The following RHEB variants were observed in gnomAD, a reference collection of about 807,000 sequenced individuals.
RHEB encodes GTP-binding protein Rheb.
In RHEB, 2 loss-of-function variants were observed where a neutral mutation model predicts 28.8. The observed-to-expected ratio is 0.07, with a 90% CI of 0.03 to 0.22. The LOEUF is 0.22. Ranked by LOEUF, RHEB falls within the 10% of genes least tolerant of loss-of-function variation. The pLI, the probability that RHEB is intolerant of heterozygous loss-of-function variation, is 1.00. For synonymous variants in RHEB, 69 were observed against 77.3 expected, an observed-to-expected ratio of 0.89 and a Z score of 0.56; for missense variants, 76 against 219.9, an observed-to-expected ratio of 0.35 and a Z score of 4.14.
rs374943192 is a variant in RHEB, at chr7:151,471,441, T to A, written c.333A>T (p.Gln111His). The change falls in exon 6 of 8, where the codon CAA becomes CAT. Residue 111 changes from glutamine to histidine, a missense_variant and splice_region_variant. Transcript: ENST00000262187. ...GKLLDMVGKV[Q>H]IPIMLVGNKK... The stretch of plus-strand genomic sequence containing the variant: ...TATTCCCAACCAACATAATAGGTAT[T>A]CTATTTGTAAGAAAAAAAAGACAAA... 28 of 1,580,522 alleles carry A rather than the reference T, an allele frequency of 1.8e-5. No individual in the cohort carries two copies. Among genetic ancestry groups the A allele is most frequent in the Non-Finnish European group, 2.3e-5 (27 of 1,151,862 alleles).
At chr7:151,505,553 G>A (rs1316679216) in intron 1 of RHEB, among the ~76,000 whole-genome samples, 1 of 152,166 alleles carries the variant, frequency 6.6e-6, no homozygotes, top group Non-Finnish European at 1.5e-5. Flanking sequence ...GCTGCTAGTG[G>A]AGGCATAAAA....
In RHEB at chr7:151,479,481, T is replaced by G. The variant is rs186773203; in HGVS notation, c.193-2066A>C. ...GCAGATCACAAGGTCAGGAGATTCA[T>G]ATCATCCTGGCTAACACAGTGAAAC... On this transcript the variant is annotated intron_variant, in intron 3 of 7. Transcript: ENST00000262187. Among the ~76,000 whole-genome samples, 648 of 152,166 alleles carry G rather than the reference T, an allele frequency of 4.3e-3. 10 individuals carry two copies. Among genetic ancestry groups the G allele is most frequent in the Middle Eastern group, 6.8e-3 (2 of 294 alleles).
intron 1 of RHEB, among the ~76,000 whole-genome samples, chr7:151,499,578 T>G (rs1387781409): frequency 6.6e-6 from 1 of 152,184 alleles, no homozygotes; most frequent in African/African-American, 2.4e-5. Flanking sequence ...CACATACATA[T>G]TCAGTAAACA....
At chr7:151,487,416 G>A (rs1005580153) in intron 2 of RHEB, among the ~76,000 whole-genome samples, 1 of 152,086 alleles carries the variant, frequency 6.6e-6, no homozygotes, top group African/African-American at 2.4e-5. Flanking sequence ...TTACTTGAGA[G>A]CAAGTGCAGA....
At chr7:151,487,070 C>G (rs1802489700) in intron 2 of RHEB, among the ~76,000 whole-genome samples, 1 of 152,170 alleles carries the variant, frequency 6.6e-6, no homozygotes, top group Non-Finnish European at 1.5e-5. Context: ...TTGGGAGGCC[C>G]AGGCAGGAGG....
intron 1 of RHEB, among the ~76,000 whole-genome samples, chr7:151,507,916 A>G (rs959933445): frequency 1.3e-5 from 2 of 152,208 alleles, no homozygotes; most frequent in Admixed American, 6.5e-5. Context: ...TTATTAAACT[A>G]AAGAAAAATA....
chr7:151,478,105 C>T (rs1443175312), intron 3 of RHEB, among the ~76,000 whole-genome samples: 1 of 152,156 alleles, frequency 6.6e-6, no homozygotes, highest in Non-Finnish European at 1.5e-5. Flanking sequence ...TTTTATAAAG[C>T]AGCGTTATGA....
At chr7:151,491,728 C>G (rs762375455) in intron 1 of RHEB, among the ~76,000 whole-genome samples, 2 of 129,816 alleles carry the variant, frequency 1.5e-5, no homozygotes, top group Non-Finnish European at 3.4e-5. Context: ...CAGAGCAAGA[C>G]CCTGTGTCAA....
At chr7:151,486,667 C>T (rs184797205) in intron 2 of RHEB, among the ~76,000 whole-genome samples, 21 of 152,314 alleles carry the variant, frequency 1.4e-4, no homozygotes, top group Admixed American at 1.0e-3. Context: ...ACTCTGGCTA[C>T]GCTGTAAGTA....
intron 1 of RHEB, chr7:151,502,917 T>C (rs1377173804): frequency 7.5e-6 from 6 of 797,792 alleles, no homozygotes; most frequent in African/African-American, 3.4e-5. Context: ...TTAAAATTAG[T>C]TGATATATCC....
chr7:151,467,814 G>A (rs1319743083), intron 7 of RHEB, among the ~76,000 whole-genome samples: 1 of 152,134 alleles, frequency 6.6e-6, no homozygotes, highest in African/African-American at 2.4e-5. Flanking sequence ...AACCCCACCA[G>A]TCCTTCACCA....
chr7:151,489,062 G>GA (rs1802532179), intron 2 of RHEB, among the ~76,000 whole-genome samples: 1 of 152,146 alleles, frequency 6.6e-6, no homozygotes, highest in Non-Finnish European at 1.5e-5. Flanking sequence ...TGTCTCAGCT[G>GA]AGACTACAGG....
At chr7:151,474,723 A>G (rs1198567429) in intron 4 of RHEB, among the ~76,000 whole-genome samples, 2 of 152,208 alleles carry the variant, frequency 1.3e-5, no homozygotes, top group Non-Finnish European at 2.9e-5. Flanking sequence ...GCAATTCTAC[A>G]GGGGTTTTAT....
At chr7:151,507,484 T>C (rs569885800) in intron 1 of RHEB, among the ~76,000 whole-genome samples, 52 of 152,316 alleles carry the variant, frequency 3.4e-4, no homozygotes, top group Non-Finnish European at 7.1e-4. Flanking sequence ...GTCCGTCATA[T>C]AGAGTCAGAT....
chr7:151,469,676 T>G (rs1165946233), intron 7 of RHEB, among the ~76,000 whole-genome samples: 1 of 152,174 alleles, frequency 6.6e-6, no homozygotes, highest in Non-Finnish European at 1.5e-5. Context: ...AGGGCTATTT[T>G]AAACCGGAGG....
intron 1 of RHEB, among the ~76,000 whole-genome samples, chr7:151,509,203 G>A (rs932885440): frequency 1.3e-5 from 2 of 152,134 alleles, no homozygotes; most frequent in East Asian, 1.9e-4. Context: ...ACAATCCTGC[G>A]GTGTGAGGGT....
In RHEB at chr7:151,486,307, A is replaced by ATCAT. The variant is rs377256723; in HGVS notation, c.125-1507_125-1504dup. 7.0e-3 allele frequency among the ~76,000 whole-genome samples: 1,065 copies of ATCAT among 152,276 alleles called. 14 individuals carry two copies. Among genetic ancestry groups the ATCAT allele is most frequent in the African/African-American group, 0.023 (955 of 41,538 alleles). ...GATGACAAGGTTACTGAAAGGAAAC[A>ATCAT]TCATTCATTCATTCATTCATTCAAG... On this transcript the variant is annotated intron_variant, in intron 2 of 7. Coordinates refer to ENST00000262187, the MANE Select transcript of RHEB (RefSeq NM_005614.4).
At position 151,467,032 on chromosome 7, in the gene RHEB, A is replaced by C; in HGVS notation, c.*87T>G. ...ATCTTTCAGGTTAACAGAAGAAAAA[A>C]GAAGCATAGTTTATCTTCAAGGAGA... On this transcript the variant is annotated 3_prime_UTR_variant, in exon 8 of 8. Transcript: ENST00000262187. 1.1e-6 allele frequency: 1 copy of C among 942,532 alleles called. No individual in the cohort carries two copies. Among genetic ancestry groups the C allele is most frequent in the Non-Finnish European group, 1.7e-6 (1 of 587,106 alleles). The allele number at this position is 942,532 out of a possible 1,614,324, so 58.4% of individuals were successfully genotyped here.
intron 4 of RHEB, among the ~76,000 whole-genome samples, chr7:151,475,532 C>T (rs533207595): frequency 4.2e-4 from 64 of 152,100 alleles, no homozygotes; most frequent in Non-Finnish European, 7.8e-4. Context: ...AGGCCTTACA[C>T]GTGGCAGTAT....
Sources: allele counts gnomAD v4.1 joint callset (sites outside exome capture counted in the v4.1 genomes callset), GRCh38; gene constraint gnomAD v4.1.1; transcripts MANE v1.5; gene names NCBI Gene and HGNC (gene_info 2026-07-23, HGNC 2026-07-21).